The following UNC13C variants were observed in gnomAD, a reference collection of about 807,000 sequenced individuals.
UNC13C encodes unc-13 homolog C.
UNC13C carries 174 observed loss-of-function variants against 245.4 expected under a neutral mutation model. The observed-to-expected ratio is 0.71, with a 90% CI of 0.63 to 0.80. The LOEUF (loss-of-function observed/expected upper bound fraction) is 0.80. UNC13C is among the 30% of genes least tolerant of loss of function. UNC13C has a pLI of 0.00. For missense variants in UNC13C, 2,829 were observed against 2,602.9 expected (o/e 1.09, Z -1.89); for synonymous variants, 992 against 895.1 (o/e 1.11, Z -1.93).
At chr15:53,992,276 A>G (rs1462339647) in intron 1 of UNC13C, among the ~76,000 whole-genome samples, 6 of 152,042 alleles carry the variant, frequency 3.9e-5, no homozygotes, top group Non-Finnish European at 7.4e-5. Flanking sequence ...CTACTTGTGC[A>G]TACCTATTGG....
At chr15:54,618,461 T>C (rs141372626) in intron 30 of UNC13C, among the ~76,000 whole-genome samples, 5,964 of 152,236 alleles carry the variant, frequency 0.039, 220 homozygotes, top group Admixed American at 0.12. Flanking sequence ...CACTAAAACT[T>C]TGTTGAATAA....
intron 2 of UNC13C, among the ~76,000 whole-genome samples, chr15:54,084,447 T>C (rs1899126840): frequency 6.6e-6 from 1 of 152,236 alleles, no homozygotes; most frequent in Non-Finnish European, 1.5e-5. Context: ...ATTTCACTTA[T>C]TTCTGGCTTT....
chr15:54,417,214 A>G (rs1249502122), intron 19 of UNC13C: 3 of 322,200 alleles, frequency 9.3e-6, no homozygotes, highest in East Asian at 9.0e-5. Context: ...CTACTCAATA[A>G]CTACTTGTTG....
intron 13 of UNC13C, chr15:54,321,201 CTT>C (rs2038148273): frequency 2.0e-6 from 1 of 501,836 alleles, no homozygotes; most frequent in Non-Finnish European, 3.9e-6. Context: ...GAATGACAGC[CTT>C]ATTTATGGAG....
intron 7 of UNC13C, among the ~76,000 whole-genome samples, chr15:54,242,923 G>A (rs2035892615): frequency 6.6e-6 from 1 of 152,118 alleles, no homozygotes; most frequent in Non-Finnish European, 1.5e-5. Flanking sequence ...TATAGGAATG[G>A]TCAGCCCCCT....
chr15:54,504,968 G>A (rs1894403873), intron 22 of UNC13C, among the ~76,000 whole-genome samples: 1 of 152,154 alleles, frequency 6.6e-6, no homozygotes, highest in African/African-American at 2.4e-5. Flanking sequence ...GATTGTAGCT[G>A]AAAGATATTT....
chr15:54,252,378 C>A (rs1386173075), intron 8 of UNC13C, among the ~76,000 whole-genome samples: 33 of 152,060 alleles, frequency 2.2e-4, no homozygotes. Flanking sequence ...CCAAAATTTT[C>A]ATTGATGTTA....
At chr15:54,478,821 T>G (rs905661283) in intron 19 of UNC13C, among the ~76,000 whole-genome samples, 5 of 150,308 alleles carry the variant, frequency 3.3e-5, no homozygotes, top group South Asian at 2.1e-4. Context: ...TAGATGTCTA[T>G]TAGGTCCGCT....
chr15:53,993,961 A>T (rs927341782), intron 1 of UNC13C, among the ~76,000 whole-genome samples: 6 of 152,048 alleles, frequency 3.9e-5, no homozygotes, highest in African/African-American at 1.4e-4. Context: ...CTTTTGATGG[A>T]TAGACATTGT....
At chr15:53,850,240 CCCATCT>C in the UNC13C span, among the ~76,000 whole-genome samples, 2 of 151,836 alleles carry the variant, frequency 1.3e-5, no homozygotes, top group African/African-American at 4.8e-5. Context: ...ATATCGAGAC[CCCATCT>C]CCACAAAAAA....
chr15:54,563,582 T>C (rs1189816367), intron 29 of UNC13C, among the ~76,000 whole-genome samples: 3 of 152,000 alleles, frequency 2.0e-5, no homozygotes, highest in Non-Finnish European at 4.4e-5. Context: ...TTAGAATCAA[T>C]GGAAAATAAT....
chr15:54,329,712 T>A (rs536092315), intron 14 of UNC13C, among the ~76,000 whole-genome samples: 1 of 152,224 alleles, frequency 6.6e-6, no homozygotes, highest in Non-Finnish European at 1.5e-5. Context: ...ATACTTTTAA[T>A]TTCACATCAT....
At chr15:54,237,851 G>T (rs898951526) in intron 7 of UNC13C, among the ~76,000 whole-genome samples, 161 bp downstream of exon 7, 1 of 152,092 alleles carries the variant, frequency 6.6e-6, no homozygotes, top group Non-Finnish European at 1.5e-5. Flanking sequence ...CTTCCTCAGG[G>T]ACTCAGCCAA....
intron 30 of UNC13C, among the ~76,000 whole-genome samples, chr15:54,595,564 A>G (rs1369742701): frequency 1.3e-5 from 2 of 152,192 alleles, no homozygotes; most frequent in East Asian, 3.8e-4. Flanking sequence ...TGTGGCTGCA[A>G]TCTAGTCCTG....
At chr15:54,561,710 G>A (rs980839319) in intron 29 of UNC13C, among the ~76,000 whole-genome samples, 2 of 151,914 alleles carry the variant, frequency 1.3e-5, no homozygotes, top group Non-Finnish European at 2.9e-5. Flanking sequence ...AGGATTCATC[G>A]ATGATTTTAA....
the UNC13C span, among the ~76,000 whole-genome samples, chr15:53,925,789 A>G: frequency 6.6e-6 from 1 of 152,180 alleles, no homozygotes; most frequent in East Asian, 1.9e-4. Context: ...GGTGTCTCCG[A>G]AATCTATTTT....
rs2034370759 is a variant in UNC13C, at chr15:54,196,892, A to G, written c.3072-38138A>G. Among the ~76,000 whole-genome samples the G allele has an allele frequency of 5.3e-5, 8 of 152,282 alleles. No individual in the cohort carries two copies. The South Asian group carries it at 1.4e-3, about 28-fold the overall frequency. On this transcript the variant is annotated intron_variant, in intron 4 of 32. Transcript: ENST00000260323. ...TTAACAGTAAAAAACTGAAATATTT[A>G]CTTTAATTCCAGGGATGAGAAAATG...
At chr15:53,864,060 C>T in the UNC13C span, among the ~76,000 whole-genome samples, 3 of 152,128 alleles carry the variant, frequency 2.0e-5, no homozygotes, top group East Asian at 5.8e-4. Flanking sequence ...TTTTTGGCTG[C>T]TTTCTATGCC....
chr15:53,941,317 A>G, the UNC13C span, among the ~76,000 whole-genome samples: 2 of 152,240 alleles, frequency 1.3e-5, no homozygotes, highest in Non-Finnish European at 2.9e-5. Flanking sequence ...GAAGACTTAA[A>G]TATAGAACCC....
Sources: allele counts gnomAD v4.1 joint callset (sites outside exome capture counted in the v4.1 genomes callset), GRCh38; gene constraint gnomAD v4.1.1; transcripts MANE v1.5; gene names NCBI Gene and HGNC (gene_info 2026-07-23, HGNC 2026-07-21).